TOX2: variants seen among roughly 807,000 people sequenced by gnomAD.
The protein encoded by TOX2 is TOX high mobility group box family member 2.
In TOX2, 15 loss-of-function variants were observed where a neutral mutation model predicts 47.4. That is an observed-to-expected ratio of 0.32 (90% CI 0.21 to 0.49). TOX2 has a LOEUF of 0.49. Among genes scored for constraint, TOX2 ranks in the 20% least tolerant of loss-of-function variants. The pLI, the probability that TOX2 is intolerant of heterozygous loss-of-function variation, is 0.99. For synonymous variants in TOX2, 290 were observed against 296.6 expected (o/e 0.98, Z 0.23); for missense variants, 622 against 673.1 (o/e 0.92, Z 0.84).
chr20:43,930,679 G>T (rs17753711), intron 1 of TOX2, among the ~76,000 whole-genome samples: 33,033 of 152,122 alleles, frequency 0.22, 4,587 homozygotes, highest in Non-Finnish European at 0.3. Context: ...CAGCCCATGG[G>T]AATGTTTCTG....
At chr20:44,034,357 G>A (rs56927907) in intron 3 of TOX2, among the ~76,000 whole-genome samples, 1 of 152,122 alleles carries the variant, frequency 6.6e-6, no homozygotes, top group African/African-American at 2.4e-5. Flanking sequence ...AAATTGTGGG[G>A]TCATTTCTGC....
chr20:44,025,572 TC>T (rs932323042), intron 3 of TOX2, among the ~76,000 whole-genome samples: 3 of 576 alleles, frequency 5.2e-3, no homozygotes, highest in African/African-American at 0.027. Flanking sequence ...ATCAGAGTTC[TC>T]CCCCTCATGT....
At chr20:43,962,475 G>A (rs535185339) in intron 1 of TOX2, among the ~76,000 whole-genome samples, 4 of 152,344 alleles carry the variant, frequency 2.6e-5, no homozygotes, top group Non-Finnish European at 4.4e-5. Context: ...AGATTCCTGC[G>A]TCATCACCAC....
At chr20:43,930,281 C>T (rs757660403) in intron 1 of TOX2, among the ~76,000 whole-genome samples, 2 of 152,194 alleles carry the variant, frequency 1.3e-5, no homozygotes, top group South Asian at 4.1e-4. Context: ...CTGGGCCTCA[C>T]TTACCCTGTT....
intron 1 of TOX2, among the ~76,000 whole-genome samples, chr20:43,972,423 A>C (rs2069990559): frequency 6.6e-6 from 1 of 152,156 alleles, no homozygotes; most frequent in African/African-American, 2.4e-5. Context: ...GGTTATTCCC[A>C]AGGAGTACTT....
At chr20:43,967,186 G>C (rs1374005210) in intron 1 of TOX2, among the ~76,000 whole-genome samples, 1 of 152,152 alleles carries the variant, frequency 6.6e-6, no homozygotes, top group Non-Finnish European at 1.5e-5. Context: ...GTTAAGACAG[G>C]GGAGTGCTGG....
At chr20:44,032,671 G>A (rs181531608) in intron 3 of TOX2, among the ~76,000 whole-genome samples, 4 of 152,270 alleles carry the variant, frequency 2.6e-5, no homozygotes, top group East Asian at 1.9e-4. Flanking sequence ...GAGCAGAGGA[G>A]AGAGGGTCTG....
At chr20:43,979,351 AGAG>A (rs1436553535) in intron 2 of TOX2, among the ~76,000 whole-genome samples, 1 of 152,236 alleles carries the variant, frequency 6.6e-6, no homozygotes, top group Non-Finnish European at 1.5e-5. Flanking sequence ...AAGGCAAAGT[AGAG>A]GAGGAGAAGA....
chr20:43,963,783 T>C (rs2069802736), intron 1 of TOX2, among the ~76,000 whole-genome samples: 1 of 152,122 alleles, frequency 6.6e-6, no homozygotes, highest in South Asian at 2.1e-4. Context: ...GACTTTCTTA[T>C]AAAGACTTTA....
At chr20:43,948,326 C>G (rs1325787665) in intron 1 of TOX2, among the ~76,000 whole-genome samples, 1 of 152,194 alleles carries the variant, frequency 6.6e-6, no homozygotes, top group African/African-American at 2.4e-5. Context: ...GTTCTTCATC[C>G]CCTTTGGACC....
At chr20:43,954,840 T>C (rs11086913) in intron 1 of TOX2, among the ~76,000 whole-genome samples, 17,339 of 152,212 alleles carry the variant, frequency 0.11, 1,224 homozygotes, top group African/African-American at 0.19. Context: ...GCTCAGCCAC[T>C]TAATAGCTAT....
In TOX2 at chr20:43,946,073, AGGT is replaced by A. The variant is rs756156355; in HGVS notation, c.100-27290_100-27288del. The A allele has an allele frequency of 5.6e-6, 9 of 1,610,384 alleles. No individual in the cohort carries two copies. The South Asian group carries it at 7.7e-5, about 14-fold the overall frequency. ...GGGTGCCCACCGCCCCATGAGGTGG[AGGT>A]GGTCAGGCCGTCACTGTGGGCTGAA... is the stretch of plus-strand genomic sequence containing the variant. On this transcript the variant is annotated intron_variant, in intron 1 of 8. Transcript: ENST00000341197.
intron 1 of TOX2, among the ~76,000 whole-genome samples, chr20:43,940,707 T>C (rs972053597): frequency 1.3e-5 from 2 of 151,330 alleles, no homozygotes; most frequent in Admixed American, 6.6e-5. Context: ...ACCCTAGGGG[T>C]GTGGTGTGGC....
At chr20:44,029,068 C>T (rs1488811018) in intron 3 of TOX2, among the ~76,000 whole-genome samples, 1 of 152,180 alleles carries the variant, frequency 6.6e-6, no homozygotes, top group Non-Finnish European at 1.5e-5. Context: ...TCGTCCCTTC[C>T]TTGGCCACAG....
chr20:43,937,641 T>C (rs180816402), intron 1 of TOX2, among the ~76,000 whole-genome samples: 1 of 152,168 alleles, frequency 6.6e-6, no homozygotes, highest in East Asian at 1.9e-4. Context: ...GAGGAATGAC[T>C]TGGGGACCCT....
chr20:44,040,846 GAGA>G (rs1184943051), intron 3 of TOX2, among the ~76,000 whole-genome samples: 1 of 152,152 alleles, frequency 6.6e-6, no homozygotes, highest in Admixed American at 6.5e-5. Flanking sequence ...TGGCTGCATG[GAGA>G]AGAAGGAAAG....
chr20:44,039,356 G>A (rs2071295857), intron 3 of TOX2: 2 of 1,256,746 alleles, frequency 1.6e-6, no homozygotes, highest in Admixed American at 4.9e-5. Context: ...GATCCTCATG[G>A]AGCATTTTAC....
chr20:43,952,493 G>C (rs2069596798), intron 1 of TOX2, among the ~76,000 whole-genome samples: 1 of 152,202 alleles, frequency 6.6e-6, no homozygotes, highest in Admixed American at 6.5e-5. Context: ...ATCACTCAGG[G>C]CTGTAGGTTG....
In TOX2 at chr20:43,916,579, C is replaced by G. The variant is rs1194588949; in HGVS notation, c.99+1589C>G. ...AGCCTCAGGAGAAGGCCGGGAGCTGCCTCCAGTCTGATGGAGGAAAATAGA... is the reference window on the plus strand; with the variant it reads ...AGCCTCAGGAGAAGGCCGGGAGCTGGCTCCAGTCTGATGGAGGAAAATAGA... On this transcript the variant is annotated intron_variant, in intron 1 of 8. Coordinates refer to ENST00000341197, the MANE Select transcript of TOX2 (RefSeq NM_001098797.2). This position sits in a 1 kb window ranked among gnomAD's most constrained non-coding sequence, Gnocchi z 5.0. 1.3e-5 allele frequency among the ~76,000 whole-genome samples: 2 copies of G among 152,234 alleles called. No individual in the cohort carries two copies. The highest frequency in any genetic ancestry group is 4.8e-5 in the African/African-American group (2 of 41,460).
Sources: gnomAD v4.1 joint callset for allele counts (sites outside exome capture counted in the v4.1 genomes callset) on GRCh38, gnomAD v4.1.1 for gene constraint, Gnocchi (gnomAD v3.1) non-coding constraint, MANE v1.5 for transcripts, NCBI Gene and HGNC (gene_info 2026-07-23, HGNC 2026-07-21) for gene names.